Variants in HIBADH observed in about 807,000 individuals in gnomAD.
HIBADH encodes the protein 3-hydroxyisobutyrate dehydrogenase, mitochondrial.
HIBADH carries 25 observed loss-of-function variants against 36.1 expected under a neutral mutation model. The observed-to-expected ratio is 0.69, with a 90% CI of 0.50 to 0.97. The LOEUF is 0.97. Among genes scored for constraint, HIBADH ranks in the 50% least tolerant of loss-of-function variants. The probability of loss-of-function intolerance (pLI) is 0.00; values close to 1 mark genes in which losing one functional copy is unlikely to be tolerated. For synonymous variants in HIBADH, 160 were observed against 149.5 expected, an observed-to-expected ratio of 1.07 and a Z score of -0.51; for missense variants, 421 against 418.0, an observed-to-expected ratio of 1.01 and a Z score of -0.06.
chr7:27,622,416 G>A (rs1785561771), intron 4 of HIBADH, among the ~76,000 whole-genome samples: 2 of 151,944 alleles, frequency 1.3e-5, no homozygotes, highest in Admixed American at 1.3e-4. Flanking sequence ...AAATGAACAG[G>A]AGAAAATAAA....
intron 2 of HIBADH, among the ~76,000 whole-genome samples, chr7:27,639,816 C>G (rs1785927873): frequency 6.6e-6 from 1 of 151,986 alleles, no homozygotes; most frequent in African/African-American, 2.4e-5. Context: ...ATTATAAATG[C>G]CTTATCAGAA....
intron 4 of HIBADH, among the ~76,000 whole-genome samples, chr7:27,581,574 A>C (rs142676986): frequency 1.5e-4 from 23 of 152,280 alleles, no homozygotes; most frequent in Non-Finnish European, 2.6e-4. Flanking sequence ...TTAAGGTTTA[A>C]TTGATAAAAA....
At chr7:27,567,566 C>A (rs536278378) in intron 4 of HIBADH, among the ~76,000 whole-genome samples, 5 of 152,124 alleles carry the variant, frequency 3.3e-5, no homozygotes, top group African/African-American at 1.2e-4. Flanking sequence ...TTCTCCTTTC[C>A]CACCTTCTTC....
intron 4 of HIBADH, among the ~76,000 whole-genome samples, chr7:27,608,338 A>C (rs1419659690): frequency 6.6e-6 from 1 of 152,208 alleles, no homozygotes; most frequent in Admixed American, 6.5e-5. Context: ...CTTGGACCTG[A>C]AGGAAAGATG....
At chr7:27,580,992 T>C (rs1279509666) in intron 4 of HIBADH, among the ~76,000 whole-genome samples, 1 of 152,172 alleles carries the variant, frequency 6.6e-6, no homozygotes, top group Non-Finnish European at 1.5e-5. Context: ...CTTTCACGAC[T>C]GTGTCTATTC....
chr7:27,580,519 G>A (rs908768108), intron 4 of HIBADH, among the ~76,000 whole-genome samples: 1 of 152,198 alleles, frequency 6.6e-6, no homozygotes, highest in Non-Finnish European at 1.5e-5. Context: ...AATGAACATT[G>A]TAAGATGAAC....
At chr7:27,544,403 A>C (rs1234502733) in intron 4 of HIBADH, among the ~76,000 whole-genome samples, 1 of 152,216 alleles carries the variant, frequency 6.6e-6, no homozygotes, top group Non-Finnish European at 1.5e-5. Flanking sequence ...TGAGATGCTC[A>C]CACATATGGT....
intron 4 of HIBADH, among the ~76,000 whole-genome samples, chr7:27,588,810 T>C (rs186409696): frequency 2.8e-4 from 42 of 152,318 alleles, no homozygotes; most frequent in Non-Finnish European, 5.7e-4. Flanking sequence ...TTTAACTCTG[T>C]TCTTGATCAG....
At chr7:27,526,708 A>C (rs952759404) in intron 7 of HIBADH, among the ~76,000 whole-genome samples, 1 of 152,194 alleles carries the variant, frequency 6.6e-6, no homozygotes, top group Non-Finnish European at 1.5e-5. Flanking sequence ...AAAAATTCTT[A>C]AATGAAAACA....
chr7:27,645,382 T>TTTG (rs796789637), intron 2 of HIBADH, among the ~76,000 whole-genome samples: 1 of 129,080 alleles, frequency 7.7e-6, no homozygotes, highest in Admixed American at 7.8e-5. Flanking sequence ...TTTTTTTTTT[T>TTTG]TTTTTTTTTT....
chr7:27,527,930 T>G (rs1783934968), intron 7 of HIBADH, among the ~76,000 whole-genome samples: 1 of 128,140 alleles, frequency 7.8e-6, no homozygotes, highest in South Asian at 2.5e-4. Context: ...TTTTTTTTTT[T>G]TTTTTTTTTT....
At chr7:27,602,113 T>C (rs1022258097) in intron 4 of HIBADH, among the ~76,000 whole-genome samples, 5 of 151,738 alleles carry the variant, frequency 3.3e-5, no homozygotes, top group South Asian at 2.1e-4. Flanking sequence ...TAAATCAGGC[T>C]AATTCTTAAA....
chr7:27,622,249 T>A (rs79509723), intron 4 of HIBADH, among the ~76,000 whole-genome samples: 8,693 of 151,992 alleles, frequency 0.057, 707 homozygotes, highest in African/African-American at 0.19. Flanking sequence ...TATTTTTTTT[T>A]AAAAAAGTTA....
rs376451670 is a variant in HIBADH at position 27,571,376 on chromosome 7, C to T, written c.485-28276G>A. On this transcript the variant is annotated intron_variant, in intron 4 of 7. Transcript: ENST00000265395. ...TAGCTGGGATTACAGGCATGTGCCACCATGCCCGGCTAATTTTCTTGTATT... is the reference window on the plus strand; with the variant it reads ...TAGCTGGGATTACAGGCATGTGCCATCATGCCCGGCTAATTTTCTTGTATT... Among the ~76,000 whole-genome samples the T allele has an allele frequency of 6.6e-5, 10 of 152,224 alleles. No individual in the cohort carries two copies. The East Asian group carries it at 1.2e-3, about 18-fold the overall frequency.
chr7:27,549,306 C>T (rs1391156851), intron 4 of HIBADH, among the ~76,000 whole-genome samples: 2 of 152,106 alleles, frequency 1.3e-5, no homozygotes, highest in Non-Finnish European at 2.9e-5. Context: ...TGAGGTAATG[C>T]ATATGTTAAT....
At chr7:27,590,626 C>T (rs1784924592) in intron 4 of HIBADH, among the ~76,000 whole-genome samples, 1 of 152,184 alleles carries the variant, frequency 6.6e-6, no homozygotes, top group South Asian at 2.1e-4. Flanking sequence ...AACCACCACC[C>T]ACCTAATCCC....
chr7:27,562,658 A>G (rs1252500114), intron 4 of HIBADH, among the ~76,000 whole-genome samples: 2 of 152,150 alleles, frequency 1.3e-5, no homozygotes, highest in African/African-American at 2.4e-5. Flanking sequence ...ATGCTTAGCT[A>G]TGTTGCCCAG....
At chr7:27,541,937 T>C (rs1214360227) in intron 5 of HIBADH, among the ~76,000 whole-genome samples, 1 of 152,244 alleles carries the variant, frequency 6.6e-6, no homozygotes. Flanking sequence ...ATTATTACAG[T>C]AGTACAGTAT....
At chr7:27,607,987 C>A (rs1317222340) in intron 4 of HIBADH, among the ~76,000 whole-genome samples, 1 of 152,060 alleles carries the variant, frequency 6.6e-6, no homozygotes, top group African/African-American at 2.4e-5. Context: ...ACATAAGAAG[C>A]ATTAGGGGAA....
Sources: gnomAD v4.1 joint callset for allele counts (sites outside exome capture counted in the v4.1 genomes callset) on GRCh38, gnomAD v4.1.1 for gene constraint, MANE v1.5 for transcripts, NCBI Gene and HGNC (gene_info 2026-07-23, HGNC 2026-07-21) for gene names.